The following RIPOR2 variants were observed in gnomAD, a reference collection of about 807,000 sequenced individuals.
The protein encoded by RIPOR2 is RHO family interacting cell polarization regulator 2, also known as rho family-interacting cell polarization regulator 2.
In RIPOR2, 39 loss-of-function variants were observed where a neutral mutation model predicts 114.5. The ratio of observed to expected loss-of-function variants is 0.34; its 90% confidence interval spans 0.26 to 0.44. The LOEUF (loss-of-function observed/expected upper bound fraction) is 0.44. Ranked by LOEUF, RIPOR2 falls within the 20% of genes least tolerant of loss-of-function variation. The pLI, the probability that RIPOR2 is intolerant of heterozygous loss-of-function variation, is 1.00. For synonymous variants in RIPOR2, 445 were observed against 484.4 expected (o/e 0.92, Z 1.07); for missense variants, 1,007 against 1,255.1 (o/e 0.80, Z 2.99).
intron 8 of RIPOR2, among the ~76,000 whole-genome samples, chr6:24,856,440 A>G (rs1763481102): frequency 6.6e-6 from 1 of 152,176 alleles, no homozygotes; most frequent in African/African-American, 2.4e-5. Flanking sequence ...TTCTAATAAA[A>G]TCCAAAGTGC....
At chr6:25,005,736 T>TATATAC (rs1775530572) in intron 1 of RIPOR2, among the ~76,000 whole-genome samples, 1 of 100,252 alleles carries the variant, frequency 1.0e-5, no homozygotes, top group African/African-American at 3.6e-5. Context: ...TATATATATA[T>TATATAC]ATATACATTT....
chr6:24,839,845 C>G (rs1311862103), intron 13 of RIPOR2: 5 of 1,258,846 alleles, frequency 4.0e-6, no homozygotes, highest in Non-Finnish European at 4.0e-6. Flanking sequence ...TCTAAGGCAT[C>G]TGCTCTAAAG....
chr6:24,833,672 G>GTT (rs978922136), intron 15 of RIPOR2, among the ~76,000 whole-genome samples: 1 of 152,064 alleles, frequency 6.6e-6, no homozygotes, highest in African/African-American at 2.4e-5. Context: ...TCTCTCTGTG[G>GTT]TTATATAACT....
At chr6:24,891,383 T>C (rs1767340464) in intron 1 of RIPOR2, among the ~76,000 whole-genome samples, 1 of 152,220 alleles carries the variant, frequency 6.6e-6, no homozygotes, top group South Asian at 2.1e-4. Context: ...CAGTTAGGTA[T>C]AGCTACGTGC....
chr6:24,897,716 G>C lies in RIPOR2; in HGVS notation c.62-21899C>G, dbSNP rs558170838. On this transcript the variant is annotated intron_variant, in intron 1 of 21. Transcript: ENST00000643898. ...ACCTCTCATTACCAGAGGGCCTTAA[G>C]TTACAGAGAATCTTAAAGATGGTCA... Among the ~76,000 whole-genome samples, 7 of 152,240 alleles carry C rather than the reference G, an allele frequency of 4.6e-5. No individual in the cohort carries two copies. In the South Asian group the frequency reaches 1.5e-3, roughly 32 times the overall value.
At chr6:24,830,294 T>A (rs1760562770) in intron 17 of RIPOR2, among the ~76,000 whole-genome samples, 2 of 152,184 alleles carry the variant, frequency 1.3e-5, no homozygotes, top group South Asian at 4.1e-4. Context: ...ATGTCACTGC[T>A]GATATTCTGA....
At chr6:24,854,194 G>C (rs1204576779) in intron 8 of RIPOR2, among the ~76,000 whole-genome samples, 1 of 151,888 alleles carries the variant, frequency 6.6e-6, no homozygotes, top group Non-Finnish European at 1.5e-5. Flanking sequence ...CAGCAGTGGA[G>C]AGACAGAAGG....
At chr6:24,941,529 G>A (rs1259800000) in intron 1 of RIPOR2, among the ~76,000 whole-genome samples, 1 of 152,010 alleles carries the variant, frequency 6.6e-6, no homozygotes. Context: ...CTGAGTTAAG[G>A]GACAGTTCAG....
chr6:24,829,543 C>A (rs1760483531), intron 17 of RIPOR2, among the ~76,000 whole-genome samples: 1 of 152,138 alleles, frequency 6.6e-6, no homozygotes, highest in Non-Finnish European at 1.5e-5. Flanking sequence ...AGGAGAATCT[C>A]CTGAGCCCAG....
intron 19 of RIPOR2, among the ~76,000 whole-genome samples, chr6:24,822,451 T>C (rs531498592): frequency 4.1e-4 from 62 of 152,314 alleles, no homozygotes; most frequent in African/African-American, 1.4e-3. Context: ...TCAGAGATGA[T>C]AGCTGACCCT....
At position 24,849,906 on chromosome 6, in the gene RIPOR2, G is replaced by A. The variant is rs767772830; in HGVS notation, c.930C>T (p.Ser310=). Residue 310 remains serine (S), a synonymous_variant, in exon 11 of 22, where the codon AGC becomes AGT. Transcript: ENST00000643898. ...ACAGCTCTTTGGTCTCACAGGTCACGCTACCTACCAGGATGTGAGTTGCTA... is the reference window on the plus strand; with the variant it reads ...ACAGCTCTTTGGTCTCACAGGTCACACTACCTACCAGGATGTGAGTTGCTA... The part of the protein sequence containing the change: ...KGLATHILVG[S]VTCETKELFA... 99 of 1,613,744 alleles carry A rather than the reference G, an allele frequency of 6.1e-5. 1 individual carries two copies. The South Asian group carries it at 6.5e-4, about 11-fold the overall frequency.
rs201932635 is a variant in RIPOR2 at position 24,913,179 on chromosome 6, A to G, written c.61+22659T>C. On this transcript the variant is annotated intron_variant, in intron 1 of 21. Transcript: ENST00000643898. ...TGTGTGTGTGTGTGTGTGTGTGTGTATGTGCACATACAGAGCAGAGACCAG... is the reference window on the plus strand; with the variant it reads ...TGTGTGTGTGTGTGTGTGTGTGTGTGTGTGCACATACAGAGCAGAGACCAG... 9.8e-5 allele frequency among the ~76,000 whole-genome samples: 13 copies of G among 132,306 alleles called. No individual in the cohort carries two copies. In the South Asian group the frequency reaches 1.2e-3, roughly 12 times the overall value. 86.8% of individuals were successfully genotyped at this position (132,306 alleles called of 152,430 possible). A position where few individuals can be genotyped will look rare whatever the true frequency, so the allele number is the denominator to read the frequency against.
chr6:24,953,226 G>A (rs1772863918), intron 1 of RIPOR2, among the ~76,000 whole-genome samples: 1 of 152,188 alleles, frequency 6.6e-6, no homozygotes, highest in African/African-American at 2.4e-5. Context: ...CCAGCTACTT[G>A]GGAGGCTGAG....
At chr6:24,900,957 G>A (rs1313131163) in intron 1 of RIPOR2, among the ~76,000 whole-genome samples, 1 of 152,114 alleles carries the variant, frequency 6.6e-6, no homozygotes, top group Non-Finnish European at 1.5e-5. Context: ...TGGGACTACA[G>A]GCACAGACCA....
chr6:24,885,463 ATCC>A (rs2113945925), intron 1 of RIPOR2, among the ~76,000 whole-genome samples: 1 of 152,274 alleles, frequency 6.6e-6, no homozygotes, highest in African/African-American at 2.4e-5. Flanking sequence ...GGCTCAAGCA[ATCC>A]TCCTGCCTCG....
At chr6:24,840,757 C>G in intron 13 of RIPOR2, 1 of 1,535,440 alleles carries the variant, frequency 6.5e-7, no homozygotes, top group Non-Finnish European at 8.7e-7. Context: ...AGTTTCTGAT[C>G]GTCAAGGTGT....
intron 1 of RIPOR2, among the ~76,000 whole-genome samples, chr6:24,922,858 CAA>C (rs869160864): frequency 0.16 from 12,115 of 77,486 alleles, 308 homozygotes; most frequent in East Asian, 0.39. Context: ...AGGACAGTCT[CAA>C]AAAAAAAAAA....
chr6:25,023,781 CG>C (rs1322940791), intron 1 of RIPOR2: 1 of 790,990 alleles, frequency 1.3e-6, no homozygotes, highest in Non-Finnish European at 2.2e-6. Flanking sequence ...CCATCGTTGA[CG>C]TTGGTCACCT....
At chr6:24,905,852 G>A (rs2114039137) in intron 1 of RIPOR2, among the ~76,000 whole-genome samples, 1 of 152,290 alleles carries the variant, frequency 6.6e-6, no homozygotes, top group East Asian at 1.9e-4. Flanking sequence ...CCTTCCAAGA[G>A]CTCTCCTGGA....
Sources: allele counts gnomAD v4.1 joint callset (sites outside exome capture counted in the v4.1 genomes callset), GRCh38; gene constraint gnomAD v4.1.1; transcripts MANE v1.5; gene names NCBI Gene and HGNC (gene_info 2026-07-23, HGNC 2026-07-21).